The following CDC14B variants were observed in gnomAD, a reference collection of about 807,000 sequenced individuals.
CDC14B encodes the protein cell division cycle 14B.
In CDC14B, 22 loss-of-function variants were observed where a neutral mutation model predicts 64.2. The observed-to-expected ratio is 0.34, with a 90% confidence interval of 0.24 to 0.49. CDC14B has a LOEUF of 0.49. Ranked by LOEUF, CDC14B falls within the 20% of genes least tolerant of loss-of-function variation. The pLI, the probability that CDC14B is intolerant of heterozygous loss-of-function variation, is 0.99. For missense variants in CDC14B, 498 were observed against 629.9 expected, an observed-to-expected ratio of 0.79 and a Z score of 2.24; for synonymous variants, 191 against 215.8, an observed-to-expected ratio of 0.89 and a Z score of 1.01.
intron 4 of CDC14B, among the ~76,000 whole-genome samples, chr9:96,561,579 C>G (rs937311710): frequency 6.6e-6 from 1 of 151,970 alleles, no homozygotes; most frequent in East Asian, 2.0e-4. Flanking sequence ...CCCGGGTTCA[C>G]GACGTTCTCT....
At chr9:96,611,670 T>A (rs557000561) in intron 1 of CDC14B, among the ~76,000 whole-genome samples, 1 of 152,330 alleles carries the variant, frequency 6.6e-6, no homozygotes, top group East Asian at 1.9e-4. Context: ...ATTCCCAACC[T>A]TTCCAAATAA....
At chr9:96,617,721 T>C (rs143368061) in intron 1 of CDC14B, among the ~76,000 whole-genome samples, 2 of 152,308 alleles carry the variant, frequency 1.3e-5, no homozygotes, top group African/African-American at 2.4e-5. Context: ...AGAAGGACAC[T>C]TGGAGACTGT....
chr9:96,553,360 C>CTTTT (rs113951578), intron 4 of CDC14B, among the ~76,000 whole-genome samples: 1 of 138,596 alleles, frequency 7.2e-6, no homozygotes, highest in Non-Finnish European at 1.6e-5. Flanking sequence ...CTTTTCTTTT[C>CTTTT]TTTTTTTTTT....
In CDC14B at chr9:96,617,448, C is replaced by T. The variant is rs570984139; in HGVS notation, c.160+1771G>A. On this transcript the variant is annotated intron_variant, in intron 1 of 13. Coordinates refer to ENST00000375241, the MANE Select transcript of CDC14B (RefSeq NM_033331.4). ...TCAAATCTACATAAACATTTAAATC[C>T]ATACGTACTTGTTAATGGTTTTATT... 2.7e-4 allele frequency among the ~76,000 whole-genome samples: 41 copies of T among 152,006 alleles called. No individual in the cohort carries two copies. The South Asian group carries it at 8.5e-3, about 32-fold the overall frequency.
Position 96,503,502 on chromosome 9 carries a change from C to T in CDC14B, c.*251G>A. On this transcript the variant is annotated 3_prime_UTR_variant, in exon 14 of 14. Coordinates refer to ENST00000375241, the MANE Select transcript of CDC14B (RefSeq NM_033331.4). ...TACCAGAGGGCTTGGGTATTTACAC[C>T]TGAGACTAAATTTACAACAGCATGT... is the stretch of plus-strand genomic sequence containing the variant. 1.9e-6 allele frequency: 1 copy of T among 516,620 alleles called. No homozygotes were observed. The allele number at this position is 516,620 out of a possible 1,614,324, so 32.0% of individuals were successfully genotyped here.
At chr9:96,492,970 G>C (rs761912483) in exon 14 of CDC14B, 1 of 152,244 alleles carries the variant, frequency 6.6e-6, no homozygotes. Flanking sequence ...TTCATTCCAC[G>C]CAAGGTGGGC....
At chr9:96,566,956 G>A (rs1844088497) in intron 1 of CDC14B, 13 of 1,484,698 alleles carry the variant, frequency 8.8e-6, no homozygotes, top group African/African-American at 1.4e-5. Flanking sequence ...GACACCCCTC[G>A]GCGGCCCAAC....
At chr9:96,544,099 C>T (rs1327627521) in intron 5 of CDC14B, among the ~76,000 whole-genome samples, 1 of 152,040 alleles carries the variant, frequency 6.6e-6, no homozygotes, top group Non-Finnish European at 1.5e-5. Flanking sequence ...CACCTGTAGT[C>T]CCAGCTACCC....
intron 1 of CDC14B, among the ~76,000 whole-genome samples, chr9:96,607,528 C>A (rs1192355575): frequency 6.7e-6 from 1 of 149,570 alleles, no homozygotes. Context: ...TCACGCCATT[C>A]TCCTGCCTCA....
chr9:96,605,030 G>A (rs1023803809), intron 1 of CDC14B, among the ~76,000 whole-genome samples: 29 of 151,934 alleles, frequency 1.9e-4, no homozygotes, highest in African/African-American at 6.8e-4. Context: ...TAACAAATCC[G>A]CCCTGTCACA....
intron 1 of CDC14B, among the ~76,000 whole-genome samples, chr9:96,613,712 T>C (rs1847457135): frequency 6.6e-6 from 1 of 152,202 alleles, no homozygotes; most frequent in Non-Finnish European, 1.5e-5. Context: ...CACTACACAC[T>C]ATGATGGGCT....
downstream of CDC14B, among the ~76,000 whole-genome samples, chr9:96,498,092 A>C (rs1587701831): frequency 6.6e-6 from 1 of 152,190 alleles, no homozygotes; most frequent in East Asian, 1.9e-4. Context: ...GTCAACCGGG[A>C]GAGTGTGGCA....
intron 7 of CDC14B, 148 bp downstream of exon 7, chr9:96,538,929 TG>T (rs1839662377): frequency 1.6e-6 from 1 of 614,482 alleles, no homozygotes; most frequent in African/African-American, 1.9e-5. Context: ...TTAATTAGCT[TG>T]ATTAGGTAAT....
chr9:96,614,086 C>T (rs1429912425), intron 1 of CDC14B, among the ~76,000 whole-genome samples: 1 of 152,036 alleles, frequency 6.6e-6, no homozygotes, highest in Non-Finnish European at 1.5e-5. Flanking sequence ...AAATTATTTA[C>T]TATTATAATA....
intron 4 of CDC14B, among the ~76,000 whole-genome samples, chr9:96,554,120 C>T (rs1477256286): frequency 6.6e-6 from 1 of 152,020 alleles, no homozygotes; most frequent in Non-Finnish European, 1.5e-5. Flanking sequence ...GCCGAGATCG[C>T]GCCACTGCAC....
At chr9:96,557,107 C>T (rs1292758290) in intron 4 of CDC14B, among the ~76,000 whole-genome samples, 1 of 152,218 alleles carries the variant, frequency 6.6e-6, no homozygotes, top group Non-Finnish European at 1.5e-5. Flanking sequence ...GCAAGCACCA[C>T]GGGCAGTGGA....
rs920486086 is a variant in CDC14B, at chr9:96,594,794, G to A, written c.160+24425C>T. Reference sequence around the variant, plus strand: ...AGCAGAATCGTACAGGCTGGCATGAGTGCTTGTTCTCAGCACTCCTAAGTC... The same window carrying A: ...AGCAGAATCGTACAGGCTGGCATGAATGCTTGTTCTCAGCACTCCTAAGTC... On this transcript the variant is annotated intron_variant, in intron 1 of 13. Coordinates refer to ENST00000375241, the MANE Select transcript of CDC14B (RefSeq NM_033331.4). 2.4e-4 allele frequency among the ~76,000 whole-genome samples: 36 copies of A among 151,182 alleles called. 1 individual carries two copies. Among genetic ancestry groups the A allele is most frequent in the African/African-American group, 9.7e-5 (4 of 41,050 alleles).
At chr9:96,580,419 T>C (rs1845077090) in intron 1 of CDC14B, among the ~76,000 whole-genome samples, 1 of 152,106 alleles carries the variant, frequency 6.6e-6, no homozygotes. Context: ...TTAGTAGAGA[T>C]GGGGTTTCTC....
At chr9:96,539,655 CTAAAG>C (rs1381184020) in intron 6 of CDC14B, among the ~76,000 whole-genome samples, 1 of 152,058 alleles carries the variant, frequency 6.6e-6, no homozygotes, top group Non-Finnish European at 1.5e-5. Context: ...TCAATGTTCC[CTAAAG>C]TAAACAGCTC....
Sources: gnomAD v4.1 joint callset for allele counts (sites outside exome capture counted in the v4.1 genomes callset) on GRCh38, gnomAD v4.1.1 for gene constraint, MANE v1.5 for transcripts, NCBI Gene and HGNC (gene_info 2026-07-23, HGNC 2026-07-21) for gene names.